Variants in ADCY2 observed in about 807,000 individuals in gnomAD.
ADCY2 encodes adenylate cyclase 2, also known as adenylate cyclase type 2.
Under a neutral mutation model 125.2 loss-of-function variants are expected in ADCY2, and 31 were observed. The observed-to-expected ratio is 0.25, with a 90% confidence interval of 0.19 to 0.33. The LOEUF (loss-of-function observed/expected upper bound fraction) is 0.33, where lower values mean the gene tolerates loss of function less well. Ranked by LOEUF, ADCY2 falls within the 10% of genes least tolerant of loss-of-function variation. The probability of loss-of-function intolerance (pLI) is 1.00; values close to 1 mark genes in which losing one functional copy is unlikely to be tolerated. For synonymous variants in ADCY2, 512 were observed against 548.4 expected (o/e 0.93, Z 0.93); for missense variants, 904 against 1,418.2 (o/e 0.64, Z 5.82).
chr5:7,788,746 TAATC>T (rs1193667933), intron 19 of ADCY2, among the ~76,000 whole-genome samples: 1 of 152,218 alleles, frequency 6.6e-6, no homozygotes, highest in Non-Finnish European at 1.5e-5. Flanking sequence ...TTGGTAGAAT[TAATC>T]AACTCAACAA....
chr5:7,569,558 C>A (rs1421180502), intron 3 of ADCY2, among the ~76,000 whole-genome samples: 1 of 152,168 alleles, frequency 6.6e-6, no homozygotes, highest in Non-Finnish European at 1.5e-5. Context: ...ATTTAGGGTT[C>A]TTCAGTTACC....
intron 3 of ADCY2, among the ~76,000 whole-genome samples, chr5:7,545,688 G>A (rs1313364242): frequency 2.0e-5 from 3 of 152,310 alleles, no homozygotes; most frequent in Non-Finnish European, 4.4e-5. Context: ...GGGGCAGTTA[G>A]TTCTTTCTGA....
chr5:7,502,096 T>G (rs1743615086), intron 2 of ADCY2, among the ~76,000 whole-genome samples: 2 of 152,206 alleles, frequency 1.3e-5, no homozygotes, highest in African/African-American at 4.8e-5. Flanking sequence ...CTGGTCCTGA[T>G]GTGTGCCTTG....
intron 7 of ADCY2, among the ~76,000 whole-genome samples, chr5:7,704,517 G>A (rs942608551): frequency 6.6e-6 from 1 of 152,090 alleles, no homozygotes; most frequent in Non-Finnish European, 1.5e-5. Flanking sequence ...TACTACTCTT[G>A]CAAGCTTTAA....
chr5:7,554,748 C>T (rs77290257), intron 3 of ADCY2, among the ~76,000 whole-genome samples: 1,911 of 152,178 alleles, frequency 0.013, 31 homozygotes, highest in Non-Finnish European at 0.021. Flanking sequence ...GAAATTCAAG[C>T]CTGGAGCACA....
At chr5:7,449,465 T>G (rs1741395217) in intron 2 of ADCY2, among the ~76,000 whole-genome samples, 2 of 152,226 alleles carry the variant, frequency 1.3e-5, no homozygotes, top group Admixed American at 1.3e-4. Context: ...TCTATCAGCC[T>G]GGTACTTTTT....
intron 4 of ADCY2, among the ~76,000 whole-genome samples, chr5:7,667,742 T>C (rs1314501427): frequency 2.6e-5 from 4 of 152,224 alleles, no homozygotes; most frequent in African/African-American, 7.2e-5. Context: ...AAGTATTCCA[T>C]AGTTGGAAAG....
chr5:7,447,389 T>C (rs1028137828), intron 2 of ADCY2, among the ~76,000 whole-genome samples: 4 of 152,236 alleles, frequency 2.6e-5, no homozygotes, highest in Non-Finnish European at 5.9e-5. Context: ...GGCATCATCC[T>C]GGCAGTGGGA....
intron 2 of ADCY2, among the ~76,000 whole-genome samples, chr5:7,515,486 C>T (rs555229521): frequency 6.6e-6 from 1 of 152,336 alleles, no homozygotes; most frequent in African/African-American, 2.4e-5. Context: ...CCTGATTCAA[C>T]CCAGTATCTG....
chr5:7,630,084 G>A (rs1196958788), intron 4 of ADCY2, among the ~76,000 whole-genome samples: 1 of 152,090 alleles, frequency 6.6e-6, no homozygotes, highest in Non-Finnish European at 1.5e-5. Flanking sequence ...CTAGTCGGGC[G>A]AGGCTCAGAG....
chr5:7,710,159 G>T (rs1454829349), intron 10 of ADCY2, among the ~76,000 whole-genome samples: 2 of 152,102 alleles, frequency 1.3e-5, no homozygotes, highest in Non-Finnish European at 2.9e-5. Flanking sequence ...TTTTTCAGTC[G>T]CCCTGGGCCC....
At chr5:7,521,380 A>C (rs1037717209) in intron 3 of ADCY2, among the ~76,000 whole-genome samples, 1 of 152,228 alleles carries the variant, frequency 6.6e-6, no homozygotes, top group African/African-American at 2.4e-5. Flanking sequence ...TAATTCTTTA[A>C]AATGGTACAA....
intron 5 of ADCY2, among the ~76,000 whole-genome samples, chr5:7,693,168 T>C (rs1016294121): frequency 6.6e-6 from 1 of 152,156 alleles, no homozygotes; most frequent in Non-Finnish European, 1.5e-5. Flanking sequence ...ATCTCCCATG[T>C]CTGTCCACTT....
Position 7,818,871 on chromosome 5 carries a change from G to A in ADCY2, c.2999-1694G>A, listed in dbSNP as rs187515347. Among the ~76,000 whole-genome samples the A allele has an allele frequency of 1.4e-4, 21 of 152,278 alleles. No homozygotes were observed. In the East Asian group the frequency reaches 3.9e-3, roughly 28 times the overall value. ...ATAAAAAAAAATGTATTACATGGGTGTATTAGGGTTATCTGGAGGGACAGA... is the reference window on the plus strand; with the variant it reads ...ATAAAAAAAAATGTATTACATGGGTATATTAGGGTTATCTGGAGGGACAGA... On this transcript the variant is annotated intron_variant, in intron 23 of 24. Transcript: ENST00000338316.
intron 2 of ADCY2, among the ~76,000 whole-genome samples, chr5:7,425,085 G>A (rs1039882335): frequency 6.6e-6 from 1 of 152,160 alleles, no homozygotes; most frequent in African/African-American, 2.4e-5. Flanking sequence ...GCCCAGTGCT[G>A]CTCACTGTCT....
At chr5:7,810,780 T>C (rs905124094) in intron 22 of ADCY2, among the ~76,000 whole-genome samples, 1 of 152,164 alleles carries the variant, frequency 6.6e-6, no homozygotes, top group African/African-American at 2.4e-5. Flanking sequence ...TCCACTACTA[T>C]AGTCCACACC....
intron 4 of ADCY2, among the ~76,000 whole-genome samples, chr5:7,644,134 A>G (rs1319633857): frequency 6.6e-6 from 1 of 152,050 alleles, no homozygotes; most frequent in Admixed American, 6.6e-5. Context: ...ACTCACCACT[A>G]AATTTCTTGA....
At chr5:7,547,893 A>G (rs1735199947) in intron 3 of ADCY2, among the ~76,000 whole-genome samples, 1 of 152,194 alleles carries the variant, frequency 6.6e-6, no homozygotes. Flanking sequence ...TCCACTGGTG[A>G]AGCCCATGGA....
At chr5:7,516,195 G>A (rs1488388655) in intron 2 of ADCY2, among the ~76,000 whole-genome samples, 7 of 152,140 alleles carry the variant, frequency 4.6e-5, no homozygotes, top group Admixed American at 4.6e-4. Flanking sequence ...CCATTGCCAT[G>A]GAATATTTTG....
Sources: gnomAD v4.1 joint callset for allele counts (sites outside exome capture counted in the v4.1 genomes callset) on GRCh38, gnomAD v4.1.1 for gene constraint, MANE v1.5 for transcripts, NCBI Gene and HGNC (gene_info 2026-07-23, HGNC 2026-07-21) for gene names.